The following ZDHHC23 variants were observed in gnomAD, a reference collection of about 807,000 sequenced individuals.
ZDHHC23 encodes palmitoyltransferase ZDHHC23.
Under a neutral mutation model 40.2 loss-of-function variants are expected in ZDHHC23, and 41 were observed. That is an observed-to-expected ratio of 1.02 (90% confidence interval 0.79 to 1.32). The LOEUF (loss-of-function observed/expected upper bound fraction) is 1.32. Ranked by LOEUF, ZDHHC23 falls within the 40% of genes most tolerant of loss-of-function variation. ZDHHC23 has a pLI of 0.00. For missense variants in ZDHHC23, 471 were observed against 541.5 expected, an observed-to-expected ratio of 0.87 and a Z score of 1.29; for synonymous variants, 204 against 210.2, an observed-to-expected ratio of 0.97 and a Z score of 0.26.
At chr3:113,963,853 G>A (rs924266135), downstream of ZDHHC23, among the ~76,000 whole-genome samples, 2 of 151,902 alleles carry the variant, frequency 1.3e-5, no homozygotes, top group African/African-American at 4.8e-5. Context: ...TAAACTGTTA[G>A]TGATTTTGAT....
chr3:113,979,197 C>T, the ZDHHC23 span, among the ~76,000 whole-genome samples: 1 of 152,196 alleles, frequency 6.6e-6, no homozygotes, highest in African/African-American at 2.4e-5. Flanking sequence ...TATAGATTCA[C>T]ATCATGCATG....
intron 3 of ZDHHC23, among the ~76,000 whole-genome samples, chr3:113,955,809 T>C (rs1307988157): frequency 6.6e-6 from 1 of 152,228 alleles, no homozygotes; most frequent in African/African-American, 2.4e-5. Context: ...CTTAGTCTTG[T>C]CCTTAAACTG....
chr3:113,978,541 A>C, the ZDHHC23 span: 29 of 609,694 alleles, frequency 4.8e-5, no homozygotes, highest in Non-Finnish European at 7.9e-5. Context: ...AAACAGTTAT[A>C]AGATTGAAGG....
rs1160268304 is a variant in ZDHHC23 at position 113,948,873 on chromosome 3, G to A, written c.71G>A (p.Cys24Tyr). The change falls in exon 2 of 5, where the codon TGC becomes TAC. Residue 24 changes from cysteine (C) to tyrosine (Y), a missense_variant. This residue lies in a region of ZDHHC23 where 83 missense variants were observed against 67.8 expected (regional missense o/e 1.22). Coordinates refer to ENST00000638807, the MANE Select transcript of ZDHHC23 (RefSeq NM_001320466.2). ...KTEEPELEPL[C>Y]CCEYIDRNGE... is the part of the protein sequence containing the mutation. ...GAAGAACCTGAATTGGAGCCCCTGT[G>A]CTGCTGCGAGTACATAGATCGGAAT... The A allele has an allele frequency of 3.1e-6, 5 of 1,614,112 alleles. No individual in the cohort carries two copies. The highest frequency in any genetic ancestry group is 4.2e-6 in the Non-Finnish European group (5 of 1,180,058).
At chr3:113,966,146 G>A (rs968778009), downstream of ZDHHC23, among the ~76,000 whole-genome samples, 4 of 152,126 alleles carry the variant, frequency 2.6e-5, no homozygotes, top group African/African-American at 7.2e-5. Flanking sequence ...GCCTCAGTGC[G>A]TAGACATATT....
In ZDHHC23 at chr3:113,948,965, T is replaced by C. The variant is rs1390459200; in HGVS notation, c.161+2T>C. The C allele has an allele frequency of 1.2e-6, 2 of 1,614,164 alleles. No individual in the cohort carries two copies. The highest frequency in any genetic ancestry group is 1.7e-6 in the Non-Finnish European group (2 of 1,180,034). The stretch of plus-strand genomic sequence containing the variant: ...AGATCTGGATGAAGGGTGTGATCGG[T>C]AAGAACAGAGCATTTCTTGACGCTG... On this transcript the variant is annotated splice_donor_variant, in intron 2 of 4. Coordinates refer to ENST00000638807, the MANE Select transcript of ZDHHC23 (RefSeq NM_001320466.2). LOFTEE classifies it high-confidence loss of function.
chr3:113,951,618 G>A (rs971063283), intron 2 of ZDHHC23, among the ~76,000 whole-genome samples: 2 of 152,132 alleles, frequency 1.3e-5, no homozygotes, highest in African/African-American at 4.8e-5. Context: ...TCAAAGCCCT[G>A]GCACTTCAGG....
At chr3:113,963,383 G>A (rs1939827676), downstream of ZDHHC23, 2 of 151,882 alleles carry the variant, frequency 1.3e-5, no homozygotes, top group Admixed American at 1.3e-4. Flanking sequence ...AGCTTTGTGG[G>A]ATTTATTTAT....
chr3:113,969,886 ATGT>A (rs1940626507), downstream of ZDHHC23, among the ~76,000 whole-genome samples: 1 of 152,126 alleles, frequency 6.6e-6, no homozygotes, highest in Non-Finnish European at 1.5e-5. Context: ...TCCGTGAAGA[ATGT>A]TGTTGGTATT....
intron 3 of ZDHHC23, among the ~76,000 whole-genome samples, chr3:113,955,659 T>C (rs932219226): frequency 5.3e-5 from 8 of 152,212 alleles, no homozygotes; most frequent in Admixed American, 6.5e-5. Flanking sequence ...TACTATGTAA[T>C]ACTTCTGATT....
At position 113,959,512 on chromosome 3, in the gene ZDHHC23, T is replaced by A. The variant is rs1939533268; in HGVS notation, c.*882T>A. On this transcript the variant is annotated 3_prime_UTR_variant, in exon 5 of 5. Transcript: ENST00000638807. Reference sequence around the variant, plus strand: ...TTCATGTGTTTTTCCTCTTCCCATGTTTCACCAGGTAAGGTGCTAGCACAC... The same window carrying A: ...TTCATGTGTTTTTCCTCTTCCCATGATTCACCAGGTAAGGTGCTAGCACAC... 1 of 1,277,700 alleles carries A rather than the reference T, an allele frequency of 7.8e-7. No individual in the cohort carries two copies. The highest frequency in any genetic ancestry group is 1.0e-6 in the Non-Finnish European group (1 of 979,380). 79.1% of individuals were successfully genotyped at this position (1,277,700 alleles called of 1,614,324 possible).
chr3:113,970,141 G>T (rs1371392466), downstream of ZDHHC23, among the ~76,000 whole-genome samples: 2 of 152,024 alleles, frequency 1.3e-5, no homozygotes, highest in Admixed American at 6.6e-5. Context: ...TTCTTTTTCA[G>T]ATTGTTCACT....
chr3:113,962,911 T>C lies in ZDHHC23; in HGVS notation c.*4281T>C, dbSNP rs115184407. 8 of 152,322 alleles carry C rather than the reference T, an allele frequency of 5.3e-5. No individual in the cohort carries two copies. Among genetic ancestry groups the C allele is most frequent in the Non-Finnish European group, 1.0e-4 (7 of 68,034 alleles). 9.4% of individuals were successfully genotyped at this position (152,322 alleles called of 1,614,324 possible). ...TTACATGGAAATTTTACAAATTACT[T>C]CCATTTATGTAAAATAACGTCCTGT... On this transcript the variant is annotated 3_prime_UTR_variant, in exon 5 of 5. Transcript: ENST00000638807.
the ZDHHC23 span, among the ~76,000 whole-genome samples, chr3:113,975,477 G>T: frequency 6.6e-6 from 1 of 152,268 alleles, no homozygotes; most frequent in East Asian, 1.9e-4. Flanking sequence ...CTGCAATAAA[G>T]TTCATCTATT....
At position 113,960,807 on chromosome 3, in the gene ZDHHC23, TG is replaced by T; in HGVS notation, c.*2178del. The T allele has an allele frequency of 6.7e-7, 1 of 1,496,566 alleles. No homozygotes were observed. Among genetic ancestry groups the T allele is most frequent in the Non-Finnish European group, 8.8e-7 (1 of 1,130,532 alleles). The allele number at this position is 1,496,566 out of a possible 1,614,324, so 92.7% of individuals were successfully genotyped here. A position where few individuals can be genotyped will look rare whatever the true frequency, so the allele number is the denominator to read the frequency against. ...TCAGGTTTATTGGCACGAAGATACT[TG>T]TTTTAAGTTCCTTGAGAACCCATGA... On this transcript the variant is annotated 3_prime_UTR_variant, in exon 5 of 5. Coordinates refer to ENST00000638807, the MANE Select transcript of ZDHHC23 (RefSeq NM_001320466.2).
At position 113,960,293 on chromosome 3, in the gene ZDHHC23, G is replaced by C. The variant is rs1939592296; in HGVS notation, c.*1663G>C. 8 of 1,022,830 alleles carry C rather than the reference G, an allele frequency of 7.8e-6. No individual in the cohort carries two copies. Among genetic ancestry groups the C allele is most frequent in the Non-Finnish European group, 8.2e-6 (7 of 854,166 alleles). 63.4% of individuals were successfully genotyped at this position (1,022,830 alleles called of 1,614,324 possible). ...GGCTGTTGTCATTTTCCCCAGAGAT[G>C]GTTTGTTTAACGAATGATAGGCTCT... On this transcript the variant is annotated 3_prime_UTR_variant, in exon 5 of 5. Coordinates refer to ENST00000638807, the MANE Select transcript of ZDHHC23 (RefSeq NM_001320466.2).
At chr3:113,951,091 A>G (rs1214769856) in intron 2 of ZDHHC23, among the ~76,000 whole-genome samples, 1 of 152,108 alleles carries the variant, frequency 6.6e-6, no homozygotes, top group East Asian at 1.9e-4. Flanking sequence ...TGCAGCTCTC[A>G]TGGGTTGGAG....
chr3:113,978,746 CTT>C, the ZDHHC23 span: 3 of 1,178,790 alleles, frequency 2.5e-6, no homozygotes, highest in Non-Finnish European at 2.4e-6. Flanking sequence ...ATTGACTACT[CTT>C]TTGTTCTTGA....
At chr3:113,968,094 C>T (rs538980344), downstream of ZDHHC23, among the ~76,000 whole-genome samples, 2 of 152,264 alleles carry the variant, frequency 1.3e-5, no homozygotes, top group African/African-American at 2.4e-5. Flanking sequence ...GTAATAATCA[C>T]GGACATGCAA....
Sources: allele counts gnomAD v4.1 joint callset (sites outside exome capture counted in the v4.1 genomes callset), GRCh38; gene constraint gnomAD v4.1.1; regional missense constraint gnomAD v4.1.1; transcripts MANE v1.5; gene names NCBI Gene and HGNC (gene_info 2026-07-23, HGNC 2026-07-21).